ACYP1: variants seen among roughly 807,000 people sequenced by gnomAD.
The protein encoded by ACYP1 is acylphosphatase 1.
In ACYP1, 8 loss-of-function variants were observed where a neutral mutation model predicts 10.4. The observed-to-expected ratio is 0.77, with a 90% CI of 0.45 to 1.38. The LOEUF (loss-of-function observed/expected upper bound fraction) is 1.38, where lower values mean the gene tolerates loss of function less well. ACYP1 is among the 40% of genes most tolerant of loss of function. The probability of loss-of-function intolerance (pLI) is 0.00; values close to 1 mark genes in which losing one functional copy is unlikely to be tolerated. For missense variants in ACYP1, 93 were observed against 117.3 expected (o/e 0.79, Z 0.96); for synonymous variants, 38 against 40.8 (o/e 0.93, Z 0.26).
rs954130961 is a variant in ACYP1, at chr14:75,058,801, A to G, written c.84+4669T>C. On this transcript the variant is annotated intron_variant, in intron 2 of 2. Coordinates refer to ENST00000238618, the MANE Select transcript of ACYP1 (RefSeq NM_001107.5). ...ATGGTGCTGGGACAACTGGATATTC[A>G]TATGCAAAAGAATAAAGCTGGATTT... Among the ~76,000 whole-genome samples the G allele has an allele frequency of 4.6e-5, 7 of 152,230 alleles. No homozygotes were observed. The East Asian group carries it at 1.2e-3, about 25-fold the overall frequency.
upstream of ACYP1, among the ~76,000 whole-genome samples, chr14:75,066,161 G>C (rs1202282779): frequency 6.6e-6 from 1 of 152,188 alleles, no homozygotes; most frequent in East Asian, 1.9e-4. Context: ...GAAAAGGTAG[G>C]CTGGACCTAA....
chr14:75,053,528 A>C lies in ACYP1; in HGVS notation c.216T>G (p.Pro72=). 1 of 1,614,200 alleles carries C rather than the reference A, an allele frequency of 6.2e-7. No homozygotes were observed. The highest frequency in any genetic ancestry group is 8.5e-7 in the Non-Finnish European group (1 of 1,180,032). The change falls in exon 3 of 3, where the codon CCT becomes CCG. Residue 72 remains proline, a synonymous_variant. Transcript: ENST00000238618. ...MQEWLETRGS[P]KSHIDKANFN... ...AGTTTGCTTTGTCGATGTGTGATTT[A>C]GGACTTCCTCTTGTTTCAAGCCATT... is the stretch of plus-strand genomic sequence containing the variant.
chr14:75,056,428 G>A (rs2139647391), intron 2 of ACYP1, among the ~76,000 whole-genome samples: 1 of 151,426 alleles, frequency 6.6e-6, no homozygotes, highest in Admixed American at 6.6e-5. Flanking sequence ...TTTGAAACAT[G>A]AATGTGAATT....
chr14:75,056,102 C>T (rs1892870885), intron 2 of ACYP1, among the ~76,000 whole-genome samples: 1 of 151,166 alleles, frequency 6.6e-6, no homozygotes, highest in African/African-American at 2.5e-5. Flanking sequence ...TAGACCTATA[C>T]CAAGAGATGG....
upstream of ACYP1, among the ~76,000 whole-genome samples, chr14:75,065,457 T>C (rs1349381246): frequency 6.6e-6 from 1 of 152,244 alleles, no homozygotes; most frequent in Non-Finnish European, 1.5e-5. Context: ...TACTTGGCAA[T>C]ATTTGAAAAT....
At chr14:75,062,759 C>A (rs565072202) in intron 2 of ACYP1, among the ~76,000 whole-genome samples, 1 of 151,372 alleles carries the variant, frequency 6.6e-6, no homozygotes, top group South Asian at 2.1e-4. Context: ...CTACAGAAGG[C>A]AGAGGGTAAA....
At chr14:75,068,064 C>A (rs181058215), upstream of ACYP1, among the ~76,000 whole-genome samples, 8 of 151,670 alleles carry the variant, frequency 5.3e-5, no homozygotes, top group African/African-American at 1.9e-4. Context: ...CTGAGACAGG[C>A]GGATCACCTG....
intron 2 of ACYP1, chr14:75,063,104 A>C (rs1594796573): frequency 8.2e-6 from 2 of 243,626 alleles, no homozygotes; most frequent in East Asian, 1.8e-4. Context: ...ACATGACATC[A>C]GGTCATCTAA....
chr14:75,064,757 A>T (rs10873275), upstream of ACYP1, among the ~76,000 whole-genome samples: 67,939 of 151,904 alleles, frequency 0.45, 16,552 homozygotes, highest in East Asian at 0.84. Context: ...AATAAATAAA[A>T]AAATAAACAT....
In ACYP1 at chr14:75,053,665, G is replaced by T. The variant is rs755468272; in HGVS notation, c.85-6C>A. 3 of 1,613,400 alleles carry T rather than the reference G, an allele frequency of 1.9e-6. No homozygotes were observed. The Admixed American group carries it at 5.0e-5, about 27-fold the overall frequency. ...CCCAGCTTTTTACCCTCAGCCTAAGGGGGGTAAAAAGAGAGAGAGATCCAG... is the reference window on the plus strand; with the variant it reads ...CCCAGCTTTTTACCCTCAGCCTAAGTGGGGTAAAAAGAGAGAGAGATCCAG... On this transcript the variant is annotated splice_region_variant and splice_polypyrimidine_tract_variant and intron_variant, in intron 2 of 2. Transcript: ENST00000238618.
At chr14:75,069,268 C>T (rs764972315) in exon 1 of ACYP1, 1 of 1,462,804 alleles carries the variant, frequency 6.8e-7, no homozygotes, top group South Asian at 1.3e-5. Flanking sequence ...GCCCCGCTCC[C>T]GCCAGGCGGG....
chr14:75,053,259 TTA>T lies in ACYP1; in HGVS notation c.*183_*184del. 1.6e-6 allele frequency: 1 copy of T among 613,382 alleles called. No individual in the cohort carries two copies. Among genetic ancestry groups the T allele is most frequent in the Middle Eastern group, 4.4e-4 (1 of 2,278 alleles). The allele number at this position is 613,382 out of a possible 1,614,324, so 38.0% of individuals were successfully genotyped here. A position where few individuals can be genotyped will look rare whatever the true frequency, so the allele number is the denominator to read the frequency against. ...CTCTAAGCAGAAGGTTCTAACGTTT[TTA>T]TTGATTAGATTTGTGTACAGTGGTA... On this transcript the variant is annotated 3_prime_UTR_variant, in exon 3 of 3. Coordinates refer to ENST00000238618, the MANE Select transcript of ACYP1 (RefSeq NM_001107.5).
upstream of ACYP1, among the ~76,000 whole-genome samples, chr14:75,064,963 A>G (rs947970283): frequency 6.6e-6 from 1 of 152,184 alleles, no homozygotes; most frequent in African/African-American, 2.4e-5. Context: ...ATGTCAAATA[A>G]TGCTTGAACA....
At chr14:75,063,362 GC>G (rs1442240587) in intron 2 of ACYP1, 107 bp downstream of exon 2, 1 of 842,036 alleles carries the variant, frequency 1.2e-6, no homozygotes, top group Non-Finnish European at 2.0e-6. Context: ...TCTTTGCCAT[GC>G]AGCTACCAAA....
intron 2 of ACYP1, among the ~76,000 whole-genome samples, chr14:75,058,148 C>T (rs1359113653): frequency 6.6e-6 from 1 of 150,440 alleles, no homozygotes; most frequent in Non-Finnish European, 1.5e-5. Flanking sequence ...GTACCAGGCT[C>T]TTTTTAACAA....
intron 2 of ACYP1, among the ~76,000 whole-genome samples, chr14:75,061,023 C>T (rs991296628): frequency 3.3e-5 from 5 of 152,066 alleles, no homozygotes; most frequent in Non-Finnish European, 5.9e-5. Flanking sequence ...GCCGAGATCA[C>T]GCCACTGCAC....
Position 75,069,365 on chromosome 14 carries a change from G to A in ACYP1, c.-74C>T, listed in dbSNP as rs550754669. 104 of 1,189,060 alleles carry A rather than the reference G, an allele frequency of 8.7e-5. No individual in the cohort carries two copies. In the African/African-American group the frequency reaches 1.6e-3, roughly 18 times the overall value. The allele number at this position is 1,189,060 out of a possible 1,614,324, so 73.7% of individuals were successfully genotyped here. A position where few individuals can be genotyped will look rare whatever the true frequency, so the allele number is the denominator to read the frequency against. ...CAGACAAGGGCACACCCCAAGGTCTGGGAGCGTCGTTCTCAGAAAAGTACA... is the reference window on the plus strand; with the variant it reads ...CAGACAAGGGCACACCCCAAGGTCTAGGAGCGTCGTTCTCAGAAAAGTACA... On this transcript the variant is annotated 5_prime_UTR_variant, in exon 1 of 3. Coordinates refer to the ACYP1 transcript ENST00000555463.
At chr14:75,063,622 A>G in intron 1 of ACYP1, 61 bp from the exon 2 acceptor site, 1 of 1,413,540 alleles carries the variant, frequency 7.1e-7, no homozygotes, top group Non-Finnish European at 9.9e-7. Flanking sequence ...CGCAAGCCTG[A>G]GTCAGAAAGG....
upstream of ACYP1, among the ~76,000 whole-genome samples, chr14:75,066,635 G>C (rs567973917): frequency 2.4e-4 from 36 of 152,312 alleles, no homozygotes; most frequent in African/African-American, 8.2e-4. Flanking sequence ...GGAGGCTAAG[G>C]CAGGTGGATC....
Sources: gnomAD v4.1 joint callset for allele counts (sites outside exome capture counted in the v4.1 genomes callset) on GRCh38, gnomAD v4.1.1 for gene constraint, MANE v1.5 for transcripts, NCBI Gene and HGNC (gene_info 2026-07-23, HGNC 2026-07-21) for gene names.